SPATA6L: variants seen among roughly 807,000 people sequenced by gnomAD.
SPATA6L encodes spermatogenesis associated 6 like.
Under a neutral mutation model 49.2 loss-of-function variants are expected in SPATA6L, and 68 were observed. The observed-to-expected ratio is 1.38, with a 90% CI of 1.14 to 1.69. SPATA6L has a LOEUF of 1.69. Among genes scored for constraint, SPATA6L ranks in the 40% most tolerant of loss-of-function variants. SPATA6L has a pLI of 0.00. For synonymous variants in SPATA6L, 198 were observed against 165.7 expected (o/e 1.19, Z -1.50); for missense variants, 668 against 464.3 (o/e 1.44, Z -4.03).
chr9:4,651,149 C>T (rs1836757367), intron 3 of SPATA6L, among the ~76,000 whole-genome samples: 1 of 152,214 alleles, frequency 6.6e-6, no homozygotes, highest in South Asian at 2.1e-4. Flanking sequence ...ACCACAGGCA[C>T]ATGCCACCAC....
chr9:4,601,073 T>C (rs991652343), intron 11 of SPATA6L, among the ~76,000 whole-genome samples: 1 of 152,208 alleles, frequency 6.6e-6, no homozygotes, highest in Admixed American at 6.5e-5. Flanking sequence ...ACTATTATAG[T>C]GAAGAGTTAG....
chr9:4,641,978 GGCTGTACC>G (rs1269841877), intron 3 of SPATA6L, among the ~76,000 whole-genome samples: 4 of 152,034 alleles, frequency 2.6e-5, no homozygotes, highest in Non-Finnish European at 5.9e-5. Flanking sequence ...ATGTTTCCCG[GGCTGTACC>G]TGAACTCCTG....
chr9:4,590,377 C>T (rs1821828678), intron 13 of SPATA6L, among the ~76,000 whole-genome samples: 1 of 152,166 alleles, frequency 6.6e-6, no homozygotes, highest in Non-Finnish European at 1.5e-5. Flanking sequence ...GAGATCTAAC[C>T]ACACAATTGA....
chr9:4,648,642 G>A (rs1836029764), intron 3 of SPATA6L, among the ~76,000 whole-genome samples: 1 of 151,672 alleles, frequency 6.6e-6, no homozygotes, highest in Non-Finnish European at 1.5e-5. Context: ...AGAGCTTGCA[G>A]TGAGCCGAGA....
rs1056904660 is a variant in SPATA6L, at chr9:4,598,722, C to T, written c.*2089G>A. ...AGTGCTGCTTTCCTTTAGCTGCTTA[C>T]GTAAGCAGCCCTCTCCTGAGACTTA... On this transcript the variant is annotated 3_prime_UTR_variant, in exon 12 of 12. Transcript: ENST00000682582. Among the ~76,000 whole-genome samples the T allele has an allele frequency of 2.0e-5, 3 of 152,192 alleles. No individual in the cohort carries two copies. The highest frequency in any genetic ancestry group is 4.1e-4 in the South Asian group (2 of 4,836).
intron 3 of SPATA6L, among the ~76,000 whole-genome samples, chr9:4,650,231 A>C (rs1836484920): frequency 6.6e-6 from 1 of 152,176 alleles, no homozygotes; most frequent in African/African-American, 2.4e-5. Flanking sequence ...ACTTCTACCC[A>C]GTATGGCCTC....
At chr9:4,644,129 T>C (rs1321515403) in intron 3 of SPATA6L, among the ~76,000 whole-genome samples, 5 of 132,884 alleles carry the variant, frequency 3.8e-5, no homozygotes, top group African/African-American at 1.4e-4. Flanking sequence ...GGAGAATCAC[T>C]TGCATCCAGG....
chr9:4,645,766 T>C (rs1014137881), intron 3 of SPATA6L, among the ~76,000 whole-genome samples: 3 of 152,210 alleles, frequency 2.0e-5, no homozygotes, highest in Admixed American at 1.3e-4. Context: ...TGTAGGCTTC[T>C]ATTTATATGA....
intron 3 of SPATA6L, among the ~76,000 whole-genome samples, chr9:4,650,778 C>A (rs1206090570): frequency 6.6e-6 from 1 of 151,962 alleles, no homozygotes; most frequent in Non-Finnish European, 1.5e-5. Context: ...TTCCACTTCA[C>A]CCTCCCAAGT....
At position 4,625,476 on chromosome 9, in the gene SPATA6L, T is replaced by G. The variant is rs775868575; in HGVS notation, c.520A>C (p.Asn174His). The change falls in exon 6 of 12, where the codon AAT (asparagine) becomes CAT (histidine). Residue 174 changes from asparagine to histidine, a missense_variant. By Grantham distance (68) the Asn-to-His change is moderately conservative (BLOSUM62 1). Coordinates refer to ENST00000682582, the MANE Select transcript of SPATA6L (RefSeq NM_001353486.2). The stretch of plus-strand genomic sequence containing the variant: ...ATGCCTTTGGGCAGTCTGTTGAGAT[T>G]ATTCTCCTTTAGTTTCATCTTTATA... ...NTIKMKLKEN[N>H]LNRLPKGMQA... 6.2e-7 allele frequency: 1 copy of G among 1,614,024 alleles called. No homozygotes were observed.
At chr9:4,634,590 G>A (rs1434177446) in intron 4 of SPATA6L, among the ~76,000 whole-genome samples, 4 of 152,144 alleles carry the variant, frequency 2.6e-5, no homozygotes, top group East Asian at 1.9e-4. Flanking sequence ...GGGGCAATAC[G>A]AGAAACGCTG....
chr9:4,664,757 A>G (rs199997571), intron 1 of SPATA6L: 1 of 167,098 alleles, frequency 6.0e-6, no homozygotes, highest in Non-Finnish European at 1.5e-5. Context: ...AACGGCTGTG[A>G]TAAGTAGGTT....
intron 10 of SPATA6L, 37 bp from the exon 11 acceptor site, chr9:4,604,306 T>C (rs932241512): frequency 1.4e-6 from 2 of 1,394,888 alleles, no homozygotes; most frequent in African/African-American, 2.8e-5. Flanking sequence ...ATGTTACCCA[T>C]AACATAATAG....
At chr9:4,595,466 G>C (rs1002567423), downstream of SPATA6L, among the ~76,000 whole-genome samples, 1 of 152,136 alleles carries the variant, frequency 6.6e-6, no homozygotes, top group Non-Finnish European at 1.5e-5. Context: ...TTAATACTTT[G>C]CTTTCTGGCT....
chr9:4,619,698 C>G (rs1587113047), intron 7 of SPATA6L, among the ~76,000 whole-genome samples: 1 of 152,104 alleles, frequency 6.6e-6, no homozygotes, highest in African/African-American at 2.4e-5. Flanking sequence ...AAGGTAGACA[C>G]AAATGTTAAA....
intron 3 of SPATA6L, among the ~76,000 whole-genome samples, chr9:4,648,950 C>T (rs1037561639): frequency 2.0e-5 from 3 of 152,080 alleles, no homozygotes; most frequent in African/African-American, 4.8e-5. Flanking sequence ...TCCTGAGTTA[C>T]TTCGCTTAGA....
chr9:4,656,143 A>T, intron 2 of SPATA6L, 54 bp from the exon 3 acceptor site: 1 of 1,485,578 alleles, frequency 6.7e-7, no homozygotes, highest in Non-Finnish European at 9.3e-7. Context: ...ATAAGCGCAT[A>T]TAGAAACTGT....
chr9:4,657,883 C>T (rs1216342372), intron 2 of SPATA6L, among the ~76,000 whole-genome samples: 1 of 152,096 alleles, frequency 6.6e-6, no homozygotes, highest in African/African-American at 2.4e-5. Flanking sequence ...TTACTGTTTA[C>T]ATTGGGCTTC....
rs765873887 is a variant in SPATA6L at position 4,605,432 on chromosome 9, G to A, written c.1004C>T (p.Pro335Leu). ...ATTCTTCCATGTGGACTGAGAACCAGGATGGAACCTGCTCAACAGATGGAA... is the reference window on the plus strand; with the variant it reads ...ATTCTTCCATGTGGACTGAGAACCAAGATGGAACCTGCTCAACAGATGGAA... ...DQPLLRERFH[P>L]GSQSTWKNIH... Residue 335 changes from proline (P) to leucine (L), a missense_variant, in exon 10 of 12, where the codon CCT becomes CTT. By Grantham distance (98) the Pro-to-Leu change is moderately conservative (BLOSUM62 -3). Transcript: ENST00000682582. The A allele has an allele frequency of 4.3e-6, 7 of 1,613,424 alleles. No individual in the cohort carries two copies. The East Asian group carries it at 1.3e-4, about 31-fold the overall frequency.
Sources: allele counts gnomAD v4.1 joint callset (sites outside exome capture counted in the v4.1 genomes callset), GRCh38; gene constraint gnomAD v4.1.1; transcripts MANE v1.5; gene names NCBI Gene and HGNC (gene_info 2026-07-23, HGNC 2026-07-21).